ARHGAP24: variants seen among roughly 807,000 people sequenced by gnomAD.
The protein encoded by ARHGAP24 is Rho GTPase activating protein 24.
A neutral mutation model predicts 76.4 loss-of-function variants in ARHGAP24; 50 were observed. That is an observed-to-expected ratio of 0.65 (90% CI 0.52 to 0.83). The LOEUF (loss-of-function observed/expected upper bound fraction) is 0.83, where lower values mean the gene tolerates loss of function less well. Ranked by LOEUF, ARHGAP24 falls within the 40% of genes least tolerant of loss-of-function variation. The pLI, the probability that ARHGAP24 is intolerant of heterozygous loss-of-function variation, is 0.00. For missense variants in ARHGAP24, 930 were observed against 914.2 expected (o/e 1.02, Z -0.22); for synonymous variants, 345 against 323.3 (o/e 1.07, Z -0.72).
chr4:85,906,136 G>A (rs910965525), intron 3 of ARHGAP24, among the ~76,000 whole-genome samples: 3 of 152,164 alleles, frequency 2.0e-5, no homozygotes, highest in Non-Finnish European at 4.4e-5. Flanking sequence ...ATGGAAAATA[G>A]TGGAAACCTA....
At chr4:85,740,967 C>T (rs1476597807) in intron 3 of ARHGAP24, among the ~76,000 whole-genome samples, 6 of 152,170 alleles carry the variant, frequency 3.9e-5, no homozygotes, top group African/African-American at 1.4e-4. Flanking sequence ...TTTAACAGTG[C>T]TTGTATTCTT....
intron 1 of ARHGAP24, among the ~76,000 whole-genome samples, chr4:85,568,313 G>T (rs1170058124): frequency 6.6e-6 from 1 of 151,824 alleles, no homozygotes; most frequent in African/African-American, 2.4e-5. Context: ...TTTGTTGCGG[G>T]GGGGAGGGGG....
At chr4:85,666,544 G>A (rs930622578) in intron 2 of ARHGAP24, among the ~76,000 whole-genome samples, 1 of 152,194 alleles carries the variant, frequency 6.6e-6, no homozygotes, top group Non-Finnish European at 1.5e-5. Flanking sequence ...GTGAGGAACT[G>A]CATTCCTTTG....
At chr4:85,762,822 G>A (rs1726781410) in intron 3 of ARHGAP24, among the ~76,000 whole-genome samples, 2 of 152,110 alleles carry the variant, frequency 1.3e-5, no homozygotes, top group South Asian at 4.1e-4. Flanking sequence ...ACTCTATACA[G>A]TTGGTTTAAC....
intron 1 of ARHGAP24, among the ~76,000 whole-genome samples, chr4:85,487,465 T>TATTTATTATATATTATATAAAC (rs1723130159): frequency 3.1e-5 from 1 of 32,452 alleles, no homozygotes; most frequent in Non-Finnish European, 9.4e-5. Flanking sequence ...TATATAAACA[T>TATTTATTATATATTATATAAAC]ATATTTATTA....
At chr4:85,711,499 AT>A (rs1235233426) in intron 2 of ARHGAP24, among the ~76,000 whole-genome samples, 9 of 152,230 alleles carry the variant, frequency 5.9e-5, no homozygotes, top group Non-Finnish European at 1.0e-4. Flanking sequence ...TAGTTTAAAA[AT>A]GAAAACTATT....
At chr4:85,765,806 A>T (rs1726910622) in intron 3 of ARHGAP24, among the ~76,000 whole-genome samples, 1 of 151,864 alleles carries the variant, frequency 6.6e-6, no homozygotes, top group Admixed American at 6.6e-5. Context: ...AAAATCAGTG[A>T]TACCCACTCT....
At chr4:85,684,204 C>T (rs1294500554) in intron 2 of ARHGAP24, among the ~76,000 whole-genome samples, 1 of 152,164 alleles carries the variant, frequency 6.6e-6, no homozygotes, top group Non-Finnish European at 1.5e-5. Flanking sequence ...TTCCATTTTA[C>T]ATTTCCACCA....
chr4:85,606,086 A>T (rs1720181667), intron 2 of ARHGAP24, among the ~76,000 whole-genome samples: 1 of 152,186 alleles, frequency 6.6e-6, no homozygotes, highest in African/African-American at 2.4e-5. Flanking sequence ...CATGGGTGGT[A>T]TTCTCAGTTA....
In ARHGAP24 at chr4:85,951,941, A is replaced by G. The variant is rs148807766; in HGVS notation, c.599+9668A>G. ...AAGTTTAATTTGATATCATAAAGTT[A>G]TTAAGTTTAATTTGAATATTATTTA... On this transcript the variant is annotated intron_variant, in intron 5 of 9. Coordinates refer to ENST00000395184, the MANE Select transcript of ARHGAP24 (RefSeq NM_001025616.3). 7.0e-3 allele frequency among the ~76,000 whole-genome samples: 1,060 copies of G among 151,512 alleles called. 17 individuals carry two copies. The highest frequency in any genetic ancestry group is 0.069 in the East Asian group (354 of 5,124).
At chr4:85,482,220 A>T (rs979712531) in intron 1 of ARHGAP24, among the ~76,000 whole-genome samples, 4 of 152,190 alleles carry the variant, frequency 2.6e-5, no homozygotes, top group African/African-American at 9.7e-5. Flanking sequence ...TTCACTTCCC[A>T]TTATGGTTTG....
intron 2 of ARHGAP24, among the ~76,000 whole-genome samples, chr4:85,653,374 G>A (rs565161827): frequency 3.9e-5 from 6 of 152,230 alleles, no homozygotes; most frequent in Non-Finnish European, 5.9e-5. Context: ...GAGAAAAAGC[G>A]AACCATGATG....
At chr4:85,857,390 C>T (rs1046571201) in intron 3 of ARHGAP24, among the ~76,000 whole-genome samples, 4 of 152,134 alleles carry the variant, frequency 2.6e-5, no homozygotes, top group African/African-American at 4.8e-5. Context: ...TATCCACATA[C>T]GCTGCTTTCT....
intron 4 of ARHGAP24, among the ~76,000 whole-genome samples, chr4:85,923,983 G>A (rs1273903724): frequency 6.6e-6 from 1 of 151,720 alleles, no homozygotes; most frequent in Admixed American, 6.6e-5. Context: ...CTTCTTCTGT[G>A]AATATGTTGA....
chr4:85,899,585 C>T (rs1734381243), intron 3 of ARHGAP24, among the ~76,000 whole-genome samples: 1 of 152,178 alleles, frequency 6.6e-6, no homozygotes, highest in Non-Finnish European at 1.5e-5. Context: ...GCAAAAATTA[C>T]AAGCTCTGGA....
intron 3 of ARHGAP24, among the ~76,000 whole-genome samples, chr4:85,895,356 G>T (rs1219384054): frequency 6.6e-6 from 1 of 152,008 alleles, no homozygotes; most frequent in South Asian, 2.1e-4. Flanking sequence ...CTCAGTCTAT[G>T]GAAATTTATC....
rs922623978 is a variant in ARHGAP24, at chr4:86,000,987, T to G, written c.*265T>G. 1.9e-6 allele frequency: 1 copy of G among 519,356 alleles called. No homozygotes were observed. Among genetic ancestry groups the G allele is most frequent in the East Asian group, 3.2e-5 (1 of 31,414 alleles). 32.2% of individuals were successfully genotyped at this position (519,356 alleles called of 1,614,324 possible). A position where few individuals can be genotyped will look rare whatever the true frequency, so the allele number is the denominator to read the frequency against. On this transcript the variant is annotated 3_prime_UTR_variant, in exon 10 of 10. Coordinates refer to ENST00000395184, the MANE Select transcript of ARHGAP24 (RefSeq NM_001025616.3). ...GTAAACTAAAAATGAGAAGCATATT[T>G]CAAGAATTATTTTATTGCAAGTCTT...
intron 2 of ARHGAP24, among the ~76,000 whole-genome samples, chr4:85,620,797 G>C (rs1480535396): frequency 6.6e-6 from 1 of 151,520 alleles, no homozygotes; most frequent in Admixed American, 6.6e-5. Context: ...TTAAGTTTTA[G>C]ATTCAAGGGG....
At chr4:85,780,847 G>T (rs1285755010) in intron 3 of ARHGAP24, among the ~76,000 whole-genome samples, 2 of 152,202 alleles carry the variant, frequency 1.3e-5, no homozygotes, top group Non-Finnish European at 2.9e-5. Context: ...CATGGAAGTA[G>T]TTCTGGAATA....
Sources: allele counts gnomAD v4.1 joint callset (sites outside exome capture counted in the v4.1 genomes callset), GRCh38; gene constraint gnomAD v4.1.1; transcripts MANE v1.5; gene names NCBI Gene and HGNC (gene_info 2026-07-23, HGNC 2026-07-21).